Variants in ZNF560 observed in about 807,000 individuals in gnomAD.
The protein encoded by ZNF560 is zinc finger protein 560.
A neutral mutation model predicts 81.8 loss-of-function variants in ZNF560; 54 were observed. The observed-to-expected ratio is 0.66, with a 90% CI of 0.53 to 0.83. The LOEUF (loss-of-function observed/expected upper bound fraction) is 0.83, where lower values mean the gene tolerates loss of function less well. Among genes scored for constraint, ZNF560 ranks in the 40% least tolerant of loss-of-function variants. ZNF560 has a pLI of 0.00. For synonymous variants in ZNF560, 321 were observed against 317.9 expected, an observed-to-expected ratio of 1.01 and a Z score of -0.10; for missense variants, 940 against 932.4, an observed-to-expected ratio of 1.01 and a Z score of -0.11.
intron 2 of ZNF560, among the ~76,000 whole-genome samples, chr19:9,495,745 G>A (rs1418507135): frequency 6.6e-6 from 1 of 152,000 alleles, no homozygotes; most frequent in African/African-American, 2.4e-5. Flanking sequence ...AAGAAAGAAA[G>A]AACACTATAC....
intron 2 of ZNF560, among the ~76,000 whole-genome samples, chr19:9,488,567 A>C (rs1187452884): frequency 6.6e-6 from 1 of 152,126 alleles, no homozygotes; most frequent in Non-Finnish European, 1.5e-5. Context: ...CTAGTCCAAA[A>C]TCCAGGGAGA....
the ZNF560 span, among the ~76,000 whole-genome samples, chr19:9,450,349 G>A: frequency 6.6e-6 from 1 of 151,418 alleles, no homozygotes; most frequent in Non-Finnish European, 1.5e-5. Context: ...ATTCAACATA[G>A]TACTAGGAGT....
downstream of ZNF560, among the ~76,000 whole-genome samples, chr19:9,463,398 T>C (rs1333858389): frequency 6.6e-6 from 1 of 152,186 alleles, no homozygotes; most frequent in Non-Finnish European, 1.5e-5. Context: ...ACCTCACCTG[T>C]GACCCACAAG....
At chr19:9,483,942 T>C (rs933608089) in intron 2 of ZNF560, among the ~76,000 whole-genome samples, 2 of 152,042 alleles carry the variant, frequency 1.3e-5, no homozygotes, top group Non-Finnish European at 2.9e-5. Flanking sequence ...TTTTGTTCTG[T>C]AGTAAGAAAA....
At chr19:9,500,354 A>T (rs112568325), upstream of ZNF560, among the ~76,000 whole-genome samples, 6 of 141,586 alleles carry the variant, frequency 4.2e-5, no homozygotes, top group Non-Finnish European at 3.0e-5. Context: ...AGATGGCTCC[A>T]TTGCACTCCA....
upstream of ZNF560, among the ~76,000 whole-genome samples, chr19:9,500,850 C>T (rs1401272415): frequency 4.6e-5 from 7 of 152,124 alleles, no homozygotes; most frequent in Non-Finnish European, 7.4e-5. Flanking sequence ...GCTGGGATTA[C>T]AGGTGTGAGC....
intron 3 of ZNF560, 72 bp downstream of exon 3, chr19:9,475,212 T>C: frequency 6.5e-7 from 1 of 1,528,112 alleles, no homozygotes; most frequent in African/African-American, 1.4e-5. Flanking sequence ...GAGACACATC[T>C]GCCTAGAAGG....
At chr19:9,481,082 G>GAA (rs60806361) in intron 2 of ZNF560, among the ~76,000 whole-genome samples, 35 of 110,030 alleles carry the variant, frequency 3.2e-4, no homozygotes, top group Non-Finnish European at 5.0e-4. Context: ...GAGATTATCT[G>GAA]AAAAAAAAAA....
downstream of ZNF560, among the ~76,000 whole-genome samples, chr19:9,463,192 A>C (rs2072961136): frequency 3.3e-5 from 5 of 152,334 alleles, no homozygotes; most frequent in South Asian, 1.0e-3. Flanking sequence ...ATGTTGAACA[A>C]GGCTTCTAGT....
chr19:9,486,031 G>A (rs1323893250), intron 2 of ZNF560, among the ~76,000 whole-genome samples: 1 of 152,212 alleles, frequency 6.6e-6, no homozygotes, highest in Admixed American at 6.5e-5. Context: ...TCGCAACATA[G>A]GAGGCACCTA....
At chr19:9,464,129 G>A (rs574642176), downstream of ZNF560, among the ~76,000 whole-genome samples, 6 of 152,270 alleles carry the variant, frequency 3.9e-5, no homozygotes, top group Admixed American at 3.3e-4. Flanking sequence ...CACTCAGACT[G>A]GAACCTGGTT....
At chr19:9,460,368 C>A in the ZNF560 span, among the ~76,000 whole-genome samples, 7 of 152,212 alleles carry the variant, frequency 4.6e-5, no homozygotes, top group African/African-American at 1.7e-4. Flanking sequence ...GCGGTGATCA[C>A]CATTGCCATG....
Position 9,469,741 on chromosome 19 carries a change from G to A in ZNF560, c.449-31C>T, listed in dbSNP as rs1027403256. 8.1e-6 allele frequency: 13 copies of A among 1,601,294 alleles called. No individual in the cohort carries two copies. In the African/African-American group the frequency reaches 1.6e-4, roughly 20 times the overall value. ...CACAGGGAAAGATACACCAATGGAA[G>A]AGGCTCATGCAAGAAATGGCAAACT... On this transcript the variant is annotated intron_variant, in intron 7 of 9. Coordinates refer to ENST00000301480, the MANE Select transcript of ZNF560 (RefSeq NM_152476.3).
chr19:9,494,604 C>T (rs928904710), intron 2 of ZNF560, among the ~76,000 whole-genome samples: 3 of 152,058 alleles, frequency 2.0e-5, no homozygotes, highest in African/African-American at 7.2e-5. Context: ...GGCATGGTGG[C>T]AGGTGCCTGT....
the ZNF560 span, among the ~76,000 whole-genome samples, chr19:9,449,992 A>C: frequency 6.8e-6 from 1 of 147,768 alleles, no homozygotes; most frequent in South Asian, 2.2e-4. Context: ...AAAAAAAAAA[A>C]AAAAAACAAC....
intron 2 of ZNF560, among the ~76,000 whole-genome samples, chr19:9,483,153 CT>C (rs1244189793): frequency 6.6e-6 from 1 of 151,718 alleles, no homozygotes; most frequent in African/African-American, 2.4e-5. Context: ...GCCCCTCTGC[CT>C]GGCTGCCCAG....
chr19:9,462,498 C>T (rs1300824563), downstream of ZNF560, among the ~76,000 whole-genome samples: 1 of 152,210 alleles, frequency 6.6e-6, no homozygotes, highest in African/African-American at 2.4e-5. Flanking sequence ...GCTCTGAAGG[C>T]TGTTAGCCCC....
intron 2 of ZNF560, among the ~76,000 whole-genome samples, chr19:9,492,004 C>A (rs1005267883): frequency 0.013 from 4 of 306 alleles, no homozygotes; most frequent in African/African-American, 0.044. Context: ...GGGGGGGGGA[C>A]AGGTCTCACT....
At chr19:9,498,017 AAAAATATACAGGTTTCACAAAGG>A (rs1429678650) in intron 2 of ZNF560, 88 bp downstream of exon 2, 1 of 152,206 alleles carries the variant, frequency 6.6e-6, no homozygotes. Flanking sequence ...TGTGTCAATA[AAAAATATACAGGTTTCACAAAGG>A]CAAAATGCCA....
Sources: gnomAD v4.1 joint callset for allele counts (sites outside exome capture counted in the v4.1 genomes callset) on GRCh38, gnomAD v4.1.1 for gene constraint, MANE v1.5 for transcripts, NCBI Gene and HGNC (gene_info 2026-07-23, HGNC 2026-07-21) for gene names.